The following ART3 variants were observed in gnomAD, a reference collection of about 807,000 sequenced individuals.
ART3 encodes the protein ecto-ADP-ribosyltransferase 3.
A neutral mutation model predicts 48.5 loss-of-function variants in ART3; 49 were observed. The ratio of observed to expected loss-of-function variants is 1.01; its 90% CI spans 0.80 to 1.28. The LOEUF is 1.28. Among genes scored for constraint, ART3 ranks in the 50% most tolerant of loss-of-function variants. The probability of loss-of-function intolerance (pLI) is 0.00; values close to 1 mark genes in which losing one functional copy is unlikely to be tolerated. For synonymous variants in ART3, 145 were observed against 157.2 expected, an observed-to-expected ratio of 0.92 and a Z score of 0.58; for missense variants, 438 against 454.3, an observed-to-expected ratio of 0.96 and a Z score of 0.33.
chr4:76,051,644 A>G (rs574828972), intron 1 of ART3, among the ~76,000 whole-genome samples: 11 of 151,900 alleles, frequency 7.2e-5, no homozygotes, highest in African/African-American at 2.2e-4. Flanking sequence ...GGCACAAACC[A>G]TCTTCCCACC....
At chr4:76,054,205 A>G (rs1297433318) in intron 1 of ART3, among the ~76,000 whole-genome samples, 7 of 152,234 alleles carry the variant, frequency 4.6e-5, no homozygotes, top group Non-Finnish European at 7.3e-5. Flanking sequence ...GAAAGAGAAT[A>G]AATGCACAAA....
intron 2 of ART3, among the ~76,000 whole-genome samples, chr4:76,081,349 C>A (rs182483253): frequency 6.6e-6 from 1 of 152,270 alleles, no homozygotes; most frequent in Admixed American, 6.5e-5. Context: ...TCATTTCTAC[C>A]CAGGCCATAT....
At chr4:76,044,725 CCCTG>C (rs1345009574) in intron 1 of ART3, among the ~76,000 whole-genome samples, 1 of 151,890 alleles carries the variant, frequency 6.6e-6, no homozygotes, top group African/African-American at 2.4e-5. Flanking sequence ...CTCTTCCTCT[CCCTG>C]TCTCTTTCTC....
chr4:76,066,318 A>G (rs1454913519), intron 1 of ART3, among the ~76,000 whole-genome samples: 2 of 152,110 alleles, frequency 1.3e-5, no homozygotes, highest in African/African-American at 4.8e-5. Context: ...GGTGAGGAAG[A>G]AGAAGAGGAG....
chr4:76,079,443 A>G (rs911997560), intron 2 of ART3, among the ~76,000 whole-genome samples: 1 of 152,216 alleles, frequency 6.6e-6, no homozygotes, highest in African/African-American at 2.4e-5. Flanking sequence ...TGAACATTCA[A>G]GTGGAGGTGT....
intron 1 of ART3, among the ~76,000 whole-genome samples, chr4:76,062,636 C>T (rs971288163): frequency 6.9e-6 from 1 of 144,094 alleles, no homozygotes; most frequent in African/African-American, 2.6e-5. Flanking sequence ...TCTCGGCTCA[C>T]GGCAAGCTCC....
intron 1 of ART3, among the ~76,000 whole-genome samples, chr4:76,045,601 A>G (rs1735428917): frequency 6.6e-6 from 1 of 152,054 alleles, no homozygotes; most frequent in African/African-American, 2.4e-5. Flanking sequence ...TAAGGACTCC[A>G]AGAGCTATCT....
rs1476857727 is a variant in ART3 at position 76,043,705 on chromosome 4, G to A, written c.-9-32176G>A. 3.8e-4 allele frequency among the ~76,000 whole-genome samples: 58 copies of A among 150,702 alleles called. 1 individual carries two copies. The highest frequency in any genetic ancestry group is 1.8e-3 in the East Asian group (9 of 4,996). On this transcript the variant is annotated intron_variant, in intron 1 of 9. Coordinates refer to the ART3 transcript ENST00000341029. ...CCTGCAAGCTGAGCGAGCCAGCTCC[G>A]GCCTTGGCCAGCCCAGAAAGGGGCT...
chr4:76,049,759 C>T (rs973298765), intron 1 of ART3, among the ~76,000 whole-genome samples: 5 of 152,090 alleles, frequency 3.3e-5, no homozygotes, highest in African/African-American at 7.2e-5. Flanking sequence ...TACCGCTCGG[C>T]GATAGGCGAA....
At chr4:76,067,471 A>G (rs1386661233) in intron 1 of ART3, among the ~76,000 whole-genome samples, 1 of 116,342 alleles carries the variant, frequency 8.6e-6, no homozygotes, top group Non-Finnish European at 2.0e-5. Context: ...AAAATCTATA[A>G]AAAAACACTA....
At chr4:76,069,730 G>A (rs1720127644), upstream of ART3, among the ~76,000 whole-genome samples, 1 of 151,816 alleles carries the variant, frequency 6.6e-6, no homozygotes, top group Non-Finnish European at 1.5e-5. Flanking sequence ...CAGTGTGTGG[G>A]TATATCACAG....
chr4:76,098,206 A>G (rs1726449764), intron 4 of ART3, among the ~76,000 whole-genome samples: 1 of 152,116 alleles, frequency 6.6e-6, no homozygotes, highest in Non-Finnish European at 1.5e-5. Flanking sequence ...TGACCAAAAA[A>G]AAAAAAAAAA....
intron 1 of ART3, among the ~76,000 whole-genome samples, chr4:76,050,855 G>C (rs1736001915): frequency 2.0e-5 from 3 of 152,332 alleles, no homozygotes; most frequent in East Asian, 1.9e-4. Flanking sequence ...CAGTGGGCTG[G>C]CACTGCTGGG....
At chr4:76,036,041 C>A in intron 1 of ART3, 1 of 1,556,626 alleles carries the variant, frequency 6.4e-7, no homozygotes, top group Non-Finnish European at 8.8e-7. Flanking sequence ...AGCTTTGCTG[C>A]TCTTCTTGGA....
upstream of ART3, among the ~76,000 whole-genome samples, chr4:76,069,764 G>A (rs991801669): frequency 2.0e-5 from 3 of 151,730 alleles, no homozygotes; most frequent in African/African-American, 7.3e-5. Context: ...TTACTAGTTG[G>A]TGGACATTTG....
At chr4:76,026,394 T>C (rs1399587729) in intron 1 of ART3, among the ~76,000 whole-genome samples, 2 of 152,160 alleles carry the variant, frequency 1.3e-5, no homozygotes, top group Non-Finnish European at 2.9e-5. Flanking sequence ...TTGGTAAATA[T>C]TGGATAGAAG....
intron 1 of ART3, among the ~76,000 whole-genome samples, chr4:76,030,888 G>A (rs1396375364): frequency 1.3e-5 from 2 of 152,034 alleles, no homozygotes; most frequent in East Asian, 3.8e-4. Flanking sequence ...TGGATATTTG[G>A]GTTGTTTCTG....
intron 1 of ART3, among the ~76,000 whole-genome samples, chr4:76,060,270 G>C (rs1719083021): frequency 6.6e-6 from 1 of 152,122 alleles, no homozygotes; most frequent in African/African-American, 2.4e-5. Context: ...TACTGATTAA[G>C]TTACTGATAT....
At chr4:76,058,642 G>A (rs1384283009) in intron 1 of ART3, 1 of 152,116 alleles carries the variant, frequency 6.6e-6, no homozygotes, top group African/African-American at 2.4e-5. Flanking sequence ...AAAGTAACAG[G>A]AATTTCCTAT....
Sources: gnomAD v4.1 joint callset for allele counts (sites outside exome capture counted in the v4.1 genomes callset) on GRCh38, gnomAD v4.1.1 for gene constraint, MANE v1.5 for transcripts, NCBI Gene and HGNC (gene_info 2026-07-23, HGNC 2026-07-21) for gene names.